Variants in CSMD3 observed in about 807,000 individuals in gnomAD.
The protein encoded by CSMD3 is CUB and sushi domain-containing protein 3.
CSMD3 carries 177 observed loss-of-function variants against 435.2 expected under a neutral mutation model. That is an observed-to-expected ratio of 0.41 (90% CI 0.36 to 0.46). CSMD3 has a LOEUF of 0.46. Among genes scored for constraint, CSMD3 ranks in the 20% least tolerant of loss-of-function variants. CSMD3 has a pLI of 0.34. For missense variants in CSMD3, 4,265 were observed against 4,504.6 expected, an observed-to-expected ratio of 0.95 and a Z score of 1.52; for synonymous variants, 1,656 against 1,520.5, an observed-to-expected ratio of 1.09 and a Z score of -2.07.
chr8:113,106,144 C>A (rs2090468305), intron 4 of CSMD3, among the ~76,000 whole-genome samples: 2 of 150,892 alleles, frequency 1.3e-5, no homozygotes, highest in African/African-American at 4.9e-5. Flanking sequence ...TAAAAACAAA[C>A]GAACCAAAAT....
At position 113,375,248 on chromosome 8, in the gene CSMD3, A is replaced by C. The variant is rs2094373746; in HGVS notation, c.179-60455T>G. Reference sequence around the variant, plus strand: ...CCAAATCATTGCTAATGTAGCTCACAAAATACAGAGTTGTTACACCAGAAA... The same window carrying C: ...CCAAATCATTGCTAATGTAGCTCACCAAATACAGAGTTGTTACACCAGAAA... On this transcript the variant is annotated intron_variant, in intron 1 of 70. Transcript: ENST00000297405. Among the ~76,000 whole-genome samples the C allele has an allele frequency of 2.6e-5, 4 of 152,298 alleles. No homozygotes were observed. In the South Asian group the frequency reaches 8.3e-4, roughly 32 times the overall value.
At chr8:113,391,142 C>T (rs2094459624) in intron 1 of CSMD3, among the ~76,000 whole-genome samples, 1 of 151,900 alleles carries the variant, frequency 6.6e-6, no homozygotes, top group Admixed American at 6.6e-5. Flanking sequence ...TTAGTATGTA[C>T]ATGGTTACAT....
chr8:112,427,359 T>C (rs1332996101), intron 32 of CSMD3, among the ~76,000 whole-genome samples: 1 of 152,024 alleles, frequency 6.6e-6, no homozygotes, highest in Non-Finnish European at 1.5e-5. Context: ...ATGGAGGTGG[T>C]TACCTCCATG....
intron 1 of CSMD3, among the ~76,000 whole-genome samples, chr8:113,334,195 G>T (rs1458470279): frequency 6.7e-5 from 10 of 148,294 alleles, no homozygotes; most frequent in African/African-American, 2.5e-4. Flanking sequence ...TTAATCATCT[G>T]TATTATTTTA....
intron 1 of CSMD3, among the ~76,000 whole-genome samples, chr8:113,390,749 A>G (rs780679402): frequency 1.3e-5 from 2 of 152,096 alleles, no homozygotes; most frequent in South Asian, 2.1e-4. Context: ...GAAGGAATGA[A>G]TGATGTGTTT....
intron 4 of CSMD3, among the ~76,000 whole-genome samples, chr8:113,110,753 T>C (rs556874833): frequency 2.0e-5 from 3 of 152,232 alleles, no homozygotes; most frequent in Admixed American, 2.0e-4. Context: ...GTTCTGAAGA[T>C]GCTTCCACAT....
intron 3 of CSMD3, among the ~76,000 whole-genome samples, chr8:113,244,124 T>G (rs1204431050): frequency 6.6e-6 from 1 of 152,186 alleles, no homozygotes; most frequent in Non-Finnish European, 1.5e-5. Context: ...CACTTTCTTT[T>G]TGGTATTCTT....
intron 3 of CSMD3, among the ~76,000 whole-genome samples, chr8:113,237,950 C>T (rs569621738): frequency 1.5e-3 from 231 of 151,886 alleles, no homozygotes; most frequent in African/African-American, 5.5e-3. Flanking sequence ...TGGTGGGCAC[C>T]TGTAATCCCA....
At chr8:113,156,861 G>A (rs2091943772) in intron 4 of CSMD3, among the ~76,000 whole-genome samples, 1 of 151,932 alleles carries the variant, frequency 6.6e-6, no homozygotes, top group Non-Finnish European at 1.5e-5. Context: ...AACCAGGGAG[G>A]TTGAGGCTGT....
chr8:112,883,029 C>T (rs2081490737), intron 10 of CSMD3, among the ~76,000 whole-genome samples: 1 of 151,844 alleles, frequency 6.6e-6, no homozygotes, highest in East Asian at 2.0e-4. Context: ...AGTGGGCCCA[C>T]CTGGTAAATG....
chr8:112,257,468 G>A (rs1815918537), intron 61 of CSMD3, among the ~76,000 whole-genome samples: 1 of 152,084 alleles, frequency 6.6e-6, no homozygotes, highest in Admixed American at 6.5e-5. Context: ...AGAATCACAA[G>A]GATTCCTATA....
At chr8:113,257,487 G>A (rs2093392106) in intron 3 of CSMD3, among the ~76,000 whole-genome samples, 1 of 152,112 alleles carries the variant, frequency 6.6e-6, no homozygotes, top group Non-Finnish European at 1.5e-5. Flanking sequence ...TTCCTCAAGA[G>A]TGGCAAACCC....
chr8:112,443,633 T>G (rs990977531), intron 32 of CSMD3, among the ~76,000 whole-genome samples: 2 of 152,016 alleles, frequency 1.3e-5, no homozygotes, highest in Non-Finnish European at 1.5e-5. Flanking sequence ...GGGAAAAAAG[T>G]AAAATGAGTA....
intron 31 of CSMD3, among the ~76,000 whole-genome samples, chr8:112,480,698 C>G (rs1819548012): frequency 1.3e-5 from 2 of 152,090 alleles, no homozygotes; most frequent in African/African-American, 4.8e-5. Flanking sequence ...TGATTGGAAG[C>G]CTTCTGAGAC....
In CSMD3 at chr8:112,604,614, C is replaced by T. The variant is rs554654237; in HGVS notation, c.3716-17379G>A. Among the ~76,000 whole-genome samples, 31 of 152,224 alleles carry T rather than the reference C, an allele frequency of 2.0e-4. No individual in the cohort carries two copies. The South Asian group carries it at 5.6e-3, about 27-fold the overall frequency. On this transcript the variant is annotated intron_variant, in intron 22 of 70. Coordinates refer to ENST00000297405, the MANE Select transcript of CSMD3 (RefSeq NM_198123.2). The stretch of plus-strand genomic sequence containing the variant: ...GAAGATTGAAACTTTACTCTTTCCC[C>T]TTTCATCATATACAAAAACCAACTC...
At chr8:112,631,121 A>G (rs1420478879) in intron 22 of CSMD3, among the ~76,000 whole-genome samples, 1 of 152,098 alleles carries the variant, frequency 6.6e-6, no homozygotes, top group East Asian at 1.9e-4. Context: ...CTAAAGGATC[A>G]ATGACTAAGA....
chr8:112,493,782 T>C (rs894550559), intron 30 of CSMD3, among the ~76,000 whole-genome samples: 3 of 152,180 alleles, frequency 2.0e-5, no homozygotes, highest in Non-Finnish European at 4.4e-5. Context: ...CACTTTGTTG[T>C]TAACAGATCT....
chr8:112,712,896 A>G (rs2076640952), intron 13 of CSMD3, among the ~76,000 whole-genome samples: 1 of 152,128 alleles, frequency 6.6e-6, no homozygotes, highest in African/African-American at 2.4e-5. Flanking sequence ...ACCCAACTCA[A>G]CATTTGGGGA....
At chr8:113,331,328 C>T (rs1563709719) in intron 1 of CSMD3, among the ~76,000 whole-genome samples, 1 of 151,124 alleles carries the variant, frequency 6.6e-6, no homozygotes, top group Non-Finnish European at 1.5e-5. Flanking sequence ...ATCCTAGGCC[C>T]AAAAAGCTTC....
Sources: gnomAD v4.1 joint callset for allele counts (sites outside exome capture counted in the v4.1 genomes callset) on GRCh38, gnomAD v4.1.1 for gene constraint, MANE v1.5 for transcripts, NCBI Gene and HGNC (gene_info 2026-07-23, HGNC 2026-07-21) for gene names.